Variants in UBE2R2 observed in about 807,000 individuals in gnomAD.
UBE2R2 encodes the protein ubiquitin-conjugating enzyme E2 R2.
UBE2R2 carries 1 observed loss-of-function variant against 27.8 expected under a neutral mutation model. The observed-to-expected ratio is 0.04, with a 90% CI of 0.01 to 0.17. The LOEUF is 0.17. Ranked by LOEUF, UBE2R2 falls within the 10% of genes least tolerant of loss-of-function variation. The pLI is 1.00. For synonymous variants in UBE2R2, 106 were observed against 113.3 expected, an observed-to-expected ratio of 0.94 and a Z score of 0.41; for missense variants, 100 against 291.0, an observed-to-expected ratio of 0.34 and a Z score of 4.78.
chr9:33,870,211 C>T (rs542927761), intron 1 of UBE2R2, among the ~76,000 whole-genome samples: 1 of 152,162 alleles, frequency 6.6e-6, no homozygotes, highest in South Asian at 2.1e-4. Flanking sequence ...GGCACACTCT[C>T]GGCTCATTGC....
intron 1 of UBE2R2, among the ~76,000 whole-genome samples, chr9:33,867,013 T>C (rs1821378994): frequency 6.6e-6 from 1 of 152,174 alleles, no homozygotes; most frequent in Admixed American, 6.6e-5. Flanking sequence ...ACTTTTTGTG[T>C]CCTATTTTAA....
intron 4 of UBE2R2, 95 bp downstream of exon 4, chr9:33,912,193 CA>C (rs1822508378): frequency 2.7e-6 from 3 of 1,111,660 alleles, no homozygotes; most frequent in African/African-American, 1.6e-5. Context: ...CTGTCCATTC[CA>C]GGATAATTTT....
intron 3 of UBE2R2, among the ~76,000 whole-genome samples, chr9:33,905,708 GCTT>G (rs2130814912): frequency 6.6e-6 from 1 of 152,242 alleles, no homozygotes; most frequent in South Asian, 2.1e-4. Context: ...ATCATAACAG[GCTT>G]CTTTATTCTT....
At chr9:33,911,908 CT>C in intron 3 of UBE2R2, 55 bp from the exon 4 acceptor site, 1 of 1,530,242 alleles carries the variant, frequency 6.5e-7, no homozygotes, top group Non-Finnish European at 8.8e-7. Context: ...AAGCAGAATA[CT>C]TTTAAATACT....
chr9:33,873,197 A>G (rs7040390), intron 1 of UBE2R2, among the ~76,000 whole-genome samples: 28,010 of 142,244 alleles, frequency 0.2, 3,041 homozygotes, highest in South Asian at 0.34. Context: ...AAAAAAAAAA[A>G]GATCTAATAT....
intron 1 of UBE2R2, among the ~76,000 whole-genome samples, chr9:33,831,953 G>A (rs1000907102): frequency 3.3e-5 from 5 of 149,730 alleles, no homozygotes; most frequent in African/African-American, 1.3e-4. Flanking sequence ...GTGCCACCGC[G>A]CCCGACCTGT....
intron 1 of UBE2R2, among the ~76,000 whole-genome samples, chr9:33,875,725 G>C (rs988339044): frequency 1.1e-4 from 16 of 152,228 alleles, no homozygotes; most frequent in African/African-American, 3.9e-4. Flanking sequence ...CCTAAGGTCA[G>C]AGGCCTAGCA....
chr9:33,861,304 A>C (rs1821231253), intron 1 of UBE2R2, among the ~76,000 whole-genome samples: 1 of 149,704 alleles, frequency 6.7e-6, no homozygotes, highest in Admixed American at 6.7e-5. Context: ...TTGGTGGCTC[A>C]TGCCTCTAAT....
chr9:33,859,795 TGTGTGAGAGAGAGAGA>T (rs756784574), intron 1 of UBE2R2, among the ~76,000 whole-genome samples: 33 of 82,196 alleles, frequency 4.0e-4, no homozygotes, highest in South Asian at 9.1e-4. Flanking sequence ...TGTGTGTGTG[TGTGTGAGAGAGAGAGA>T]GAGAGAGAGA....
intron 2 of UBE2R2, among the ~76,000 whole-genome samples, chr9:33,896,286 T>C (rs1192071162): frequency 1.3e-5 from 2 of 150,934 alleles, no homozygotes; most frequent in African/African-American, 4.8e-5. Flanking sequence ...GTTTCCTTTT[T>C]TTCTTTTCCT....
chr9:33,879,962 A>G (rs760521068), intron 1 of UBE2R2, among the ~76,000 whole-genome samples: 8 of 151,544 alleles, frequency 5.3e-5, no homozygotes, highest in Non-Finnish European at 1.2e-4. Context: ...GATTCACTGC[A>G]GCCTCAACCT....
At chr9:33,907,836 G>T (rs1038026424) in intron 3 of UBE2R2, among the ~76,000 whole-genome samples, 12 of 151,126 alleles carry the variant, frequency 7.9e-5, no homozygotes, top group African/African-American at 2.4e-4. Context: ...TTTTGTTGTT[G>T]TTTTTTTTTA....
At chr9:33,859,759 TTTGTG>T (rs923468180) in intron 1 of UBE2R2, among the ~76,000 whole-genome samples, 6 of 117,182 alleles carry the variant, frequency 5.1e-5, no homozygotes, top group African/African-American at 2.0e-4. Flanking sequence ...ATCTAAGCCT[TTTGTG>T]TGTGTGTGTG....
In UBE2R2 at chr9:33,918,998, T is replaced by G. The variant is rs956594292; in HGVS notation, c.*1761T>G. 1.3e-5 allele frequency: 2 copies of G among 152,918 alleles called. No homozygotes were observed. Among genetic ancestry groups the G allele is most frequent in the African/African-American group, 2.4e-5 (1 of 41,406 alleles). 9.5% of individuals were successfully genotyped at this position (152,918 alleles called of 1,614,324 possible). A position where few individuals can be genotyped will look rare whatever the true frequency, so the allele number is the denominator to read the frequency against. Reference sequence around the variant, plus strand: ...GCCCTTCCCAGCCTCTAAAGTTTGGTCTGGTATGAAATGGGACTGTTTAAC... The same window carrying G: ...GCCCTTCCCAGCCTCTAAAGTTTGGGCTGGTATGAAATGGGACTGTTTAAC... On this transcript the variant is annotated 3_prime_UTR_variant, in exon 5 of 5. Transcript: ENST00000263228.
intron 3 of UBE2R2, among the ~76,000 whole-genome samples, chr9:33,904,048 C>G (rs1327698398): frequency 6.6e-6 from 1 of 152,136 alleles, no homozygotes; most frequent in Admixed American, 6.5e-5. Context: ...TGGAACCTCA[C>G]CTGTCTGGAA....
At chr9:33,882,013 T>C (rs1205446245) in intron 1 of UBE2R2, among the ~76,000 whole-genome samples, 2 of 152,240 alleles carry the variant, frequency 1.3e-5, no homozygotes. Context: ...GTAATACTTA[T>C]CAGTATGTAC....
intron 1 of UBE2R2, among the ~76,000 whole-genome samples, chr9:33,843,812 T>G (rs1286423757): frequency 1.3e-5 from 2 of 152,230 alleles, no homozygotes; most frequent in Non-Finnish European, 2.9e-5. Flanking sequence ...ACAGGAAGTT[T>G]ATAGAGATGT....
rs375111428 is a variant in UBE2R2 at position 33,819,837 on chromosome 9, C to G, written c.177+1903C>G. On this transcript the variant is annotated intron_variant, in intron 1 of 4. Transcript: ENST00000263228. ...TATTTTTAGTAGAGATGGGGTTTCA[C>G]CATATTGGCCAGGCCGGTCTCGAAC... Among the ~76,000 whole-genome samples, 19 of 152,280 alleles carry G rather than the reference C, an allele frequency of 1.2e-4. 2 individuals carry two copies. Among genetic ancestry groups the G allele is most frequent in the African/African-American group, 4.3e-4 (18 of 41,572 alleles).
intron 1 of UBE2R2, among the ~76,000 whole-genome samples, chr9:33,882,519 G>A (rs1042984166): frequency 2.0e-5 from 3 of 152,080 alleles, no homozygotes; most frequent in Non-Finnish European, 4.4e-5. Context: ...TCCTGACCTC[G>A]TGATCCACCC....
Sources: gnomAD v4.1 joint callset for allele counts (sites outside exome capture counted in the v4.1 genomes callset) on GRCh38, gnomAD v4.1.1 for gene constraint, MANE v1.5 for transcripts, NCBI Gene and HGNC (gene_info 2026-07-23, HGNC 2026-07-21) for gene names.